Variants in SMYD3 observed in about 807,000 individuals in gnomAD.
SMYD3 encodes the protein SET and MYND domain containing 3.
Under a neutral mutation model 57.7 loss-of-function variants are expected in SMYD3, and 36 were observed. That is an observed-to-expected ratio of 0.62 (90% CI 0.48 to 0.82). SMYD3 has a LOEUF of 0.82. Among genes scored for constraint, SMYD3 ranks in the 40% least tolerant of loss-of-function variants. The pLI is 0.00. For missense variants in SMYD3, 515 were observed against 538.8 expected (o/e 0.96, Z 0.44); for synonymous variants, 211 against 195.0 (o/e 1.08, Z -0.68).
chr1:245,911,435 T>C (rs1486908878), intron 8 of SMYD3, among the ~76,000 whole-genome samples: 1 of 151,682 alleles, frequency 6.6e-6, no homozygotes, highest in East Asian at 1.9e-4. Flanking sequence ...TGCTGCACTA[T>C]TCAAAATAGC....
chr1:245,924,882 G>T (rs2056261321), intron 7 of SMYD3, among the ~76,000 whole-genome samples: 1 of 151,884 alleles, frequency 6.6e-6, no homozygotes, highest in Non-Finnish European at 1.5e-5. Flanking sequence ...CAGGCTGGAT[G>T]CAAACTCCTG....
intron 1 of SMYD3, among the ~76,000 whole-genome samples, chr1:246,402,998 T>C (rs1489914417): frequency 6.6e-6 from 1 of 152,222 alleles, no homozygotes; most frequent in Non-Finnish European, 1.5e-5. Context: ...ACTCATTTGC[T>C]AGGCTGGCAC....
intron 8 of SMYD3, among the ~76,000 whole-genome samples, chr1:245,904,220 G>A (rs1205164546): frequency 6.6e-6 from 1 of 152,146 alleles, no homozygotes; most frequent in African/African-American, 2.4e-5. Context: ...GTTCTCATGA[G>A]ATCTCATGGT....
At chr1:246,386,629 T>C (rs2066485545) in intron 1 of SMYD3, among the ~76,000 whole-genome samples, 2 of 140,074 alleles carry the variant, frequency 1.4e-5, no homozygotes, top group South Asian at 4.8e-4. Context: ...ACCTCTGTTA[T>C]CTTTTAATTG....
At chr1:246,085,734 C>T (rs1409661907) in intron 5 of SMYD3, among the ~76,000 whole-genome samples, 1 of 151,948 alleles carries the variant, frequency 6.6e-6, no homozygotes. Context: ...ATGAAGTCTC[C>T]CATGTCACAT....
At chr1:246,108,410 C>T (rs892192067) in intron 5 of SMYD3, among the ~76,000 whole-genome samples, 3 of 152,188 alleles carry the variant, frequency 2.0e-5, no homozygotes, top group African/African-American at 4.8e-5. Context: ...GCAAAGAGAT[C>T]ACACCCTCAC....
intron 5 of SMYD3, among the ~76,000 whole-genome samples, chr1:246,211,933 T>C (rs1333019591): frequency 2.0e-5 from 3 of 150,376 alleles, no homozygotes; most frequent in Non-Finnish European, 3.0e-5. Context: ...AAAAGTCACA[T>C]AAATAAATAC....
At chr1:245,899,127 A>AG (rs1402676806) in intron 8 of SMYD3, among the ~76,000 whole-genome samples, 6 of 152,240 alleles carry the variant, frequency 3.9e-5, no homozygotes, top group African/African-American at 1.4e-4. Context: ...TGAATTTTCT[A>AG]GGTTCCAAGA....
chr1:245,794,870 C>T (rs1305735141), intron 10 of SMYD3, among the ~76,000 whole-genome samples: 1 of 151,890 alleles, frequency 6.6e-6, no homozygotes, highest in Non-Finnish European at 1.5e-5. Context: ...TATGTTTGTC[C>T]CCCAATCCCA....
At chr1:245,939,672 C>T (rs909891792) in intron 5 of SMYD3, among the ~76,000 whole-genome samples, 1 of 152,112 alleles carries the variant, frequency 6.6e-6, no homozygotes. Context: ...CTAGAGGAGA[C>T]AGGCTGACTG....
Position 246,090,782 on chromosome 1 carries a change from G to A in SMYD3, c.532-160845C>T, listed in dbSNP as rs146412374. On this transcript the variant is annotated intron_variant, in intron 5 of 11. Coordinates refer to ENST00000490107, the MANE Select transcript of SMYD3 (RefSeq NM_001167740.2). ...ACACCCGCCCTCCGCCTCCCAAAGC[G>A]CTGGGATTACAGGCATGAGCTACCA... Among the ~76,000 whole-genome samples, 552 of 152,126 alleles carry A rather than the reference G, an allele frequency of 3.6e-3. 2 individuals are homozygous for A. Among genetic ancestry groups the A allele is most frequent in the Admixed American group, 8.0e-3 (122 of 15,280 alleles).
At chr1:245,886,367 G>A (rs914098473) in intron 8 of SMYD3, among the ~76,000 whole-genome samples, 5 of 152,084 alleles carry the variant, frequency 3.3e-5, no homozygotes, top group African/African-American at 1.2e-4. Context: ...GTCAACAAAG[G>A]TTGAAAGAAG....
At chr1:246,368,402 C>G (rs2066142113) in intron 1 of SMYD3, among the ~76,000 whole-genome samples, 1 of 152,038 alleles carries the variant, frequency 6.6e-6, no homozygotes, top group African/African-American at 2.4e-5. Context: ...ATATAGAAAA[C>G]AAAAAAATCC....
chr1:245,841,050 A>T (rs534609659), intron 10 of SMYD3, among the ~76,000 whole-genome samples: 5 of 152,376 alleles, frequency 3.3e-5, no homozygotes, highest in African/African-American at 1.2e-4. Flanking sequence ...TCCCTTTTAC[A>T]GATTCAAAAC....
At chr1:245,934,613 C>A (rs1052378881) in intron 5 of SMYD3, among the ~76,000 whole-genome samples, 1 of 152,186 alleles carries the variant, frequency 6.6e-6, no homozygotes, top group Non-Finnish European at 1.5e-5. Flanking sequence ...ACCAGAACAG[C>A]GGGAGGGGAC....
intron 10 of SMYD3, among the ~76,000 whole-genome samples, chr1:245,825,825 C>T (rs1306402181): frequency 6.6e-6 from 1 of 150,940 alleles, no homozygotes; most frequent in Non-Finnish European, 1.5e-5. Flanking sequence ...CTACAGAAAT[C>T]TAAAGTTTAG....
rs2056609851 is a variant in SMYD3 at position 245,929,876 on chromosome 1, T to A, written c.593A>T (p.Tyr198Phe). 6.2e-7 allele frequency: 1 copy of A among 1,612,902 alleles called. No homozygotes were observed. Among genetic ancestry groups the A allele is most frequent in the African/African-American group, 1.3e-5 (1 of 74,894 alleles). Residue 198 changes from tyrosine to phenylalanine, a missense_variant, in exon 6 of 12, where the codon TAT (tyrosine) becomes TTT (phenylalanine). Coordinates refer to ENST00000490107, the MANE Select transcript of SMYD3 (RefSeq NM_001167740.2). ...AEMQEVGVGL[Y>F]PSISLLNHSC... The stretch of plus-strand genomic sequence containing the variant: ...GAAGTACCATACACCATACCTGGGA[T>A]ATAGGCCAACACCAACTTCCTGCAT...
chr1:246,002,333 C>T (rs1298607569), intron 5 of SMYD3, among the ~76,000 whole-genome samples: 5 of 67,700 alleles, frequency 7.4e-5, no homozygotes, highest in East Asian at 6.6e-4. Flanking sequence ...TGCAGGCTCC[C>T]GCCACCACGC....
chr1:246,476,897 A>G (rs746325963), intron 1 of SMYD3, among the ~76,000 whole-genome samples: 1 of 152,220 alleles, frequency 6.6e-6, no homozygotes, highest in Admixed American at 6.5e-5. Context: ...TGACTATTCA[A>G]TTATCAAATA....
Sources: gnomAD v4.1 joint callset for allele counts (sites outside exome capture counted in the v4.1 genomes callset) on GRCh38, gnomAD v4.1.1 for gene constraint, MANE v1.5 for transcripts, NCBI Gene and HGNC (gene_info 2026-07-23, HGNC 2026-07-21) for gene names.